The following BRWD1 variants were observed in gnomAD, a reference collection of about 807,000 sequenced individuals.
BRWD1 encodes the protein bromodomain and WD repeat-containing protein 1.
Under a neutral mutation model 251.2 loss-of-function variants are expected in BRWD1, and 82 were observed. That is an observed-to-expected ratio of 0.33 (90% CI 0.27 to 0.39). The LOEUF (loss-of-function observed/expected upper bound fraction) is 0.39, where lower values mean the gene tolerates loss of function less well. Ranked by LOEUF, BRWD1 falls within the 10% of genes least tolerant of loss-of-function variation. The probability of loss-of-function intolerance (pLI) is 1.00; values close to 1 mark genes in which losing one functional copy is unlikely to be tolerated. For synonymous variants in BRWD1, 918 were observed against 902.8 expected (o/e 1.02, Z -0.30); for missense variants, 2,233 against 2,711.6 (o/e 0.82, Z 3.92).
At chr21:39,257,948 A>G (rs2034614777) in intron 18 of BRWD1, among the ~76,000 whole-genome samples, 1 of 152,226 alleles carries the variant, frequency 6.6e-6, no homozygotes, top group African/African-American at 2.4e-5. Flanking sequence ...TAAGTTTAAG[A>G]GAAAAAAAGT....
intron 31 of BRWD1, chr21:39,216,797 CT>C: frequency 3.5e-6 from 1 of 289,232 alleles, no homozygotes; most frequent in South Asian, 4.1e-5. Context: ...TTTTTTTTAA[CT>C]TTTAAGTTCA....
At chr21:39,318,212 T>C (rs886299684), upstream of BRWD1, among the ~76,000 whole-genome samples, 4 of 152,102 alleles carry the variant, frequency 2.6e-5, no homozygotes, top group Non-Finnish European at 5.9e-5. Context: ...AATGCATATC[T>C]AGAAAATGGT....
chr21:39,247,960 A>G (rs2034254868), intron 20 of BRWD1, 128 bp from the exon 21 acceptor site: 1 of 1,150,832 alleles, frequency 8.7e-7, no homozygotes. Context: ...AAAAGAAGGT[A>G]GCATTTTTGC....
At chr21:39,311,699 A>G (rs1361455998) in intron 4 of BRWD1, among the ~76,000 whole-genome samples, 1 of 152,230 alleles carries the variant, frequency 6.6e-6, no homozygotes, top group Non-Finnish European at 1.5e-5. Flanking sequence ...GAATTTTTAG[A>G]ACTCATTCCC....
chr21:39,302,649 TG>T (rs1251194372), intron 4 of BRWD1, among the ~76,000 whole-genome samples: 1 of 151,290 alleles, frequency 6.6e-6, no homozygotes, highest in African/African-American at 2.4e-5. Context: ...CCCAGCTACT[TG>T]GGAGGCTGAG....
chr21:39,246,802 G>T (rs985097029), intron 21 of BRWD1, among the ~76,000 whole-genome samples: 2 of 152,230 alleles, frequency 1.3e-5, no homozygotes, highest in Non-Finnish European at 2.9e-5. Flanking sequence ...AGCCCGTCCG[G>T]CTGGGCGTGG....
At chr21:39,244,163 A>G (rs1043668959) in intron 21 of BRWD1, among the ~76,000 whole-genome samples, 5 of 151,712 alleles carry the variant, frequency 3.3e-5, no homozygotes, top group African/African-American at 4.8e-5. Context: ...TCCTGGGTTC[A>G]ATGCCATTCT....
Position 39,187,118 on chromosome 21 carries a change from T to C in BRWD1, c.*9141A>G. The C allele has an allele frequency of 1.2e-6, 2 of 1,611,222 alleles. No homozygotes were observed. Among genetic ancestry groups the C allele is most frequent in the Non-Finnish European group, 8.5e-7 (1 of 1,179,296 alleles). Reference sequence around the variant, plus strand: ...AGCTCTTTTTCACTTTCAGAATTTATGGTTGTATCATCCTCTTTATAAACA... The same window carrying C: ...AGCTCTTTTTCACTTTCAGAATTTACGGTTGTATCATCCTCTTTATAAACA... On this transcript the variant is annotated 3_prime_UTR_variant, in exon 41 of 41. Coordinates refer to ENST00000342449, the MANE Select transcript of BRWD1 (RefSeq NM_033656.4).
chr21:39,255,393 C>CG (rs2099377921), intron 19 of BRWD1, among the ~76,000 whole-genome samples: 1 of 151,086 alleles, frequency 6.6e-6, no homozygotes, highest in Non-Finnish European at 1.5e-5. Context: ...GCCTGCGCAA[C>CG]GAGAGCGAAA....
At chr21:39,297,284 G>A (rs1475173762) in intron 5 of BRWD1, 1 of 985,306 alleles carries the variant, frequency 1.0e-6, no homozygotes, top group Admixed American at 6.2e-5. Flanking sequence ...CAGACATATT[G>A]CATTTTACAT....
intron 29 of BRWD1, among the ~76,000 whole-genome samples, chr21:39,220,831 G>A (rs889085540): frequency 5.9e-5 from 9 of 151,990 alleles, no homozygotes; most frequent in African/African-American, 1.2e-4. Flanking sequence ...AAGATATTCC[G>A]AAAGAAAATA....
chr21:39,219,778 G>A (rs2033099588), intron 29 of BRWD1: 1 of 152,134 alleles, frequency 6.6e-6, no homozygotes, highest in African/African-American at 2.4e-5. Context: ...TGAGAGATGG[G>A]AATTTTTTAA....
intron 39 of BRWD1, 115 bp downstream of exon 39, chr21:39,200,104 C>A: frequency 9.6e-7 from 1 of 1,036,464 alleles, no homozygotes; most frequent in Middle Eastern, 3.1e-4. Flanking sequence ...ATCTAAGGAA[C>A]CTAAAGGACA....
In BRWD1 at chr21:39,193,945, A is replaced by C. The variant is rs1380785332; in HGVS notation, c.*2314T>G. The C allele has an allele frequency of 2.0e-6, 2 of 985,328 alleles. No homozygotes were observed. The highest frequency in any genetic ancestry group is 2.4e-6 in the Non-Finnish European group (2 of 829,694). 61.0% of individuals were successfully genotyped at this position (985,328 alleles called of 1,614,324 possible). A position where few individuals can be genotyped will look rare whatever the true frequency, so the allele number is the denominator to read the frequency against. ...ATAACCAAAAAAACCCATAAAAATTATTTTCTCCATTATCTCTCAGTTTTA... is the reference window on the plus strand; with the variant it reads ...ATAACCAAAAAAACCCATAAAAATTCTTTTCTCCATTATCTCTCAGTTTTA... On this transcript the variant is annotated 3_prime_UTR_variant, in exon 41 of 41. Transcript: ENST00000342449.
At chr21:39,246,353 GAAT>G (rs1437564440) in intron 21 of BRWD1, among the ~76,000 whole-genome samples, 1 of 152,132 alleles carries the variant, frequency 6.6e-6, no homozygotes, top group African/African-American at 2.4e-5. Flanking sequence ...AAATAAAATG[GAAT>G]AATAACAATC....
At chr21:39,293,058 C>T (rs181422341) in intron 8 of BRWD1, among the ~76,000 whole-genome samples, 73 of 152,084 alleles carry the variant, frequency 4.8e-4, no homozygotes, top group African/African-American at 1.6e-3. Flanking sequence ...ACCTAGGATT[C>T]GCTTTAGGTA....
Position 39,215,222 on chromosome 21 carries a change from T to C in BRWD1, c.3785+15A>G. On this transcript the variant is annotated intron_variant, in intron 32 of 40. Transcript: ENST00000342449. ...TATGCAGTCACTTTTACACAACATCTATGAAATTACTTACTTGATAAATTT... is the reference window on the plus strand; with the variant it reads ...TATGCAGTCACTTTTACACAACATCCATGAAATTACTTACTTGATAAATTT... 6.2e-7 allele frequency: 1 copy of C among 1,608,622 alleles called. No individual in the cohort carries two copies.
Position 39,191,654 on chromosome 21 carries a change from T to TA in BRWD1, c.*4604dup, listed in dbSNP as rs1433083797. On this transcript the variant is annotated 3_prime_UTR_variant, in exon 41 of 41. Transcript: ENST00000342449. The stretch of plus-strand genomic sequence containing the variant: ...AAATTAACTTGAATATATCAAAAAT[T>TA]AAAGATCCCTTTAACTTTTACCCAC... The TA allele has an allele frequency of 2.3e-5, 23 of 984,406 alleles. No homozygotes were observed. The highest frequency in any genetic ancestry group is 2.8e-5 in the Non-Finnish European group (23 of 829,088). 61.0% of individuals were successfully genotyped at this position (984,406 alleles called of 1,614,324 possible).
At position 39,225,204 on chromosome 21, in the gene BRWD1, G is replaced by A; in HGVS notation, c.3209-7C>T. Reference sequence around the variant, plus strand: ...ATAGAGCGGAATCTGTCACCTAGGAGAGAAATGATCAAGTCTGAGGCATTT... The same window carrying A: ...ATAGAGCGGAATCTGTCACCTAGGAAAGAAATGATCAAGTCTGAGGCATTT... On this transcript the variant is annotated splice_region_variant and splice_polypyrimidine_tract_variant and intron_variant, in intron 27 of 40. Transcript: ENST00000342449. 1 of 1,583,798 alleles carries A rather than the reference G, an allele frequency of 6.3e-7. No individual in the cohort carries two copies. Among genetic ancestry groups the A allele is most frequent in the Non-Finnish European group, 8.7e-7 (1 of 1,153,140 alleles).
Sources: gnomAD v4.1 joint callset for allele counts (sites outside exome capture counted in the v4.1 genomes callset) on GRCh38, gnomAD v4.1.1 for gene constraint, MANE v1.5 for transcripts, NCBI Gene and HGNC (gene_info 2026-07-23, HGNC 2026-07-21) for gene names.